TENM3: variants seen among roughly 807,000 people sequenced by gnomAD.
TENM3 encodes the protein teneurin transmembrane protein 3.
A neutral mutation model predicts 255.1 loss-of-function variants in TENM3; 63 were observed. The observed-to-expected ratio is 0.25, with a 90% confidence interval of 0.20 to 0.30. TENM3 has a LOEUF of 0.30. TENM3 is among the 10% of genes least tolerant of loss of function. The pLI is 1.00. For synonymous variants in TENM3, 1,306 were observed against 1,322.3 expected, an observed-to-expected ratio of 0.99 and a Z score of 0.27; for missense variants, 2,929 against 3,461.1, an observed-to-expected ratio of 0.85 and a Z score of 3.86.
Position 182,553,436 on chromosome 4 carries a change from G to A in TENM3, c.512-47488G>A, listed in dbSNP as rs570353869. 6.0e-5 allele frequency among the ~76,000 whole-genome samples: 9 copies of A among 150,730 alleles called. No homozygotes were observed. In the South Asian group the frequency reaches 8.4e-4, roughly 14 times the overall value. ...GGAGATATACCTAATGCTACATGAC[G>A]AGTTAATGGGTGCAGCACACCAACA... is the stretch of plus-strand genomic sequence containing the variant. On this transcript the variant is annotated intron_variant, in intron 3 of 27. Transcript: ENST00000511685.
chr4:182,346,924 A>C lies in TENM3; in HGVS notation c.506A>C (p.Glu169Ala). 2 of 1,602,132 alleles carry C rather than the reference A, an allele frequency of 1.2e-6. 1 individual carries two copies. Among genetic ancestry groups the C allele is most frequent in the South Asian group, 2.2e-5 (2 of 89,824 alleles). The change falls in exon 3 of 28, where the codon GAG (glutamate) becomes GCG (alanine). Residue 169 changes from glutamate (E) to alanine (A), a missense_variant. By Grantham distance (107) the Glu-to-Ala change is moderately radical (BLOSUM62 -1). Around this residue, in one of 6 missense-constraint regions of TENM3, gnomAD observed 283 missense variants for 256.9 expected, o/e 1.10. Coordinates refer to ENST00000511685, the MANE Select transcript of TENM3 (RefSeq NM_001080477.4). ...GAGCACGAAAACAAGTCCGACAGTG[A>C]GAATGGTAAGTTTCCTTTTTGGCTT... ...DTEHENKSDS[E>A]NEQPASNQGQ...
At chr4:181,616,377 T>C in the TENM3 span, among the ~76,000 whole-genome samples, 7 of 146,118 alleles carry the variant, frequency 4.8e-5, no homozygotes, top group South Asian at 4.3e-4. Context: ...AGGATATATA[T>C]ATATATCAAT....
chr4:181,880,497 A>G, the TENM3 span, among the ~76,000 whole-genome samples: 2 of 152,190 alleles, frequency 1.3e-5, no homozygotes, highest in Admixed American at 6.5e-5. Flanking sequence ...CATTTCATCA[A>G]TTGGTTTATC....
At chr4:181,712,437 C>T in the TENM3 span, among the ~76,000 whole-genome samples, 2 of 152,136 alleles carry the variant, frequency 1.3e-5, no homozygotes, top group Non-Finnish European at 2.9e-5. Context: ...ATCACTCCCC[C>T]TTTGCCTTTC....
chr4:181,710,157 G>T, the TENM3 span, among the ~76,000 whole-genome samples: 3 of 152,062 alleles, frequency 2.0e-5, no homozygotes, highest in African/African-American at 7.2e-5. Context: ...AACCTAGATA[G>T]AAATCAGAGA....
At chr4:182,070,731 G>T in the TENM3 span, among the ~76,000 whole-genome samples, 1 of 152,194 alleles carries the variant, frequency 6.6e-6, no homozygotes, top group Non-Finnish European at 1.5e-5. Flanking sequence ...AAAGGTAGCA[G>T]ATTTTCAATT....
chr4:182,304,490 G>A (rs1169642363), intron 1 of TENM3, among the ~76,000 whole-genome samples: 1 of 152,134 alleles, frequency 6.6e-6, no homozygotes, highest in African/African-American at 2.4e-5. Context: ...GGGATTACAG[G>A]CATGAGCCAC....
chr4:181,605,584 G>GAAAAA, the TENM3 span, among the ~76,000 whole-genome samples: 1 of 69,194 alleles, frequency 1.4e-5, no homozygotes, highest in South Asian at 4.3e-4. Context: ...GAGAAAGAAA[G>GAAAAA]GAAAGAAAGA....
chr4:182,666,020 A>T (rs1468619727), intron 6 of TENM3, among the ~76,000 whole-genome samples: 1 of 152,216 alleles, frequency 6.6e-6, no homozygotes, highest in Non-Finnish European at 1.5e-5. Context: ...TCCAACATTC[A>T]TAGATGACTT....
chr4:182,728,991 G>A lies in TENM3; in HGVS notation c.2395G>A (p.Asp799Asn). 6.2e-7 allele frequency: 1 copy of A among 1,613,862 alleles called. No individual in the cohort carries two copies. Residue 799 changes from aspartate (D) to asparagine (N), a missense_variant, in exon 14 of 28, where the codon GAT becomes AAT. Around this residue, in one of 6 missense-constraint regions of TENM3, gnomAD observed 1,608 missense variants for 1,884.4 expected, o/e 0.85. Transcript: ENST00000511685. ...TGGACTCATTGACTGCATGGATCCC[G>A]ATTGCTGCCTACAGAGTTCCTGCCA... ...GDGLIDCMDPDCCLQSSCQNQ... is the reference protein window; with the variant it reads ...GDGLIDCMDPNCCLQSSCQNQ...
intron 3 of TENM3, among the ~76,000 whole-genome samples, chr4:182,400,598 A>ATAAAC (rs1166823311): frequency 3.5e-4 from 54 of 152,346 alleles, no homozygotes; most frequent in African/African-American, 1.2e-3. Context: ...TAAAATCCAG[A>ATAAAC]AGATGGATAA....
the TENM3 span, among the ~76,000 whole-genome samples, chr4:181,976,929 C>A: frequency 1.9e-4 from 29 of 152,294 alleles, no homozygotes; most frequent in African/African-American, 6.3e-4. Flanking sequence ...ATATAATTTG[C>A]CACTATTGAG....
At chr4:181,482,896 T>C in the TENM3 span, among the ~76,000 whole-genome samples, 1 of 152,158 alleles carries the variant, frequency 6.6e-6, no homozygotes, top group East Asian at 1.9e-4. Flanking sequence ...ATCATTCTTC[T>C]TGACATACGG....
the TENM3 span, among the ~76,000 whole-genome samples, chr4:181,918,875 A>G: frequency 6.6e-6 from 1 of 152,224 alleles, no homozygotes; most frequent in Non-Finnish European, 1.5e-5. Context: ...CTTGCAACGT[A>G]GTAAGAGTGA....
At chr4:182,485,070 C>T (rs1017679797) in intron 3 of TENM3, among the ~76,000 whole-genome samples, 1 of 152,004 alleles carries the variant, frequency 6.6e-6, no homozygotes, top group African/African-American at 2.4e-5. Flanking sequence ...TCTTATACCT[C>T]CTATAAATAA....
chr4:182,678,688 C>T (rs557206583), intron 7 of TENM3, among the ~76,000 whole-genome samples: 13 of 152,272 alleles, frequency 8.5e-5, no homozygotes, highest in East Asian at 3.9e-4. Flanking sequence ...AGCCTTCCTA[C>T]GAGGGTTCCT....
chr4:181,496,196 G>A, the TENM3 span, among the ~76,000 whole-genome samples: 1 of 152,190 alleles, frequency 6.6e-6, no homozygotes, highest in Non-Finnish European at 1.5e-5. Flanking sequence ...CAGAGTAGGA[G>A]AAACGAAACT....
chr4:181,765,359 T>G, the TENM3 span, among the ~76,000 whole-genome samples: 1 of 152,192 alleles, frequency 6.6e-6, no homozygotes, highest in African/African-American at 2.4e-5. Context: ...ATGGGATTAT[T>G]TCTTACTTCA....
At chr4:181,922,228 T>A in the TENM3 span, among the ~76,000 whole-genome samples, 1 of 152,216 alleles carries the variant, frequency 6.6e-6, no homozygotes, top group African/African-American at 2.4e-5. Context: ...GGCTTTGGTA[T>A]CAGGATGATG....
Sources: gnomAD v4.1 joint callset for allele counts (sites outside exome capture counted in the v4.1 genomes callset) on GRCh38, gnomAD v4.1.1 for gene constraint, gnomAD v4.1.1 regional missense constraint, MANE v1.5 for transcripts, NCBI Gene and HGNC (gene_info 2026-07-23, HGNC 2026-07-21) for gene names.